The following NRP2 variants were observed in gnomAD, a reference collection of about 807,000 sequenced individuals.
NRP2 encodes the protein neuropilin 2, also known as neuropilin-2.
NRP2 carries 52 observed loss-of-function variants against 110.4 expected under a neutral mutation model. The ratio of observed to expected loss-of-function variants is 0.47; its 90% CI spans 0.38 to 0.59. The LOEUF is 0.59. NRP2 is among the 20% of genes least tolerant of loss of function. NRP2 has a pLI of 0.00. For synonymous variants in NRP2, 508 were observed against 468.9 expected (o/e 1.08, Z -1.08); for missense variants, 1,049 against 1,203.0 (o/e 0.87, Z 1.89).
At chr2:205,752,663 C>A in intron 11 of NRP2, 172 bp from the exon 12 acceptor site, 1 of 690,556 alleles carries the variant, frequency 1.4e-6, no homozygotes, top group Non-Finnish European at 2.5e-6. Flanking sequence ...GAGACCAAAG[C>A]CTGACCCGAA....
intron 15 of NRP2, among the ~76,000 whole-genome samples, chr2:205,772,186 A>T (rs535650129): frequency 1.3e-5 from 2 of 152,382 alleles, no homozygotes; most frequent in Admixed American, 1.3e-4. Flanking sequence ...GGTCATGAGG[A>T]ATAAACAAAA....
At chr2:205,713,065 G>A (rs569996836) in intron 2 of NRP2, among the ~76,000 whole-genome samples, 1 of 152,278 alleles carries the variant, frequency 6.6e-6, no homozygotes, top group African/African-American at 2.4e-5. Context: ...AAGGGATTTG[G>A]GGTGGTCTGT....
At position 205,688,826 on chromosome 2, in the gene NRP2, T is replaced by G. The variant is rs3732089; in HGVS notation, c.73+5463T>G. ...TAGGATTGAGAAGAAAGGAGAGAAA[T>G]AGGAGTTGGCAAAAAACAAAAAAAC... On this transcript the variant is annotated intron_variant, in intron 1 of 16. Transcript: ENST00000357785. Among the ~76,000 whole-genome samples the G allele has an allele frequency of 4.7e-5, 7 of 150,192 alleles. No homozygotes were observed. In the East Asian group the frequency reaches 1.2e-3, roughly 25 times the overall value.
Position 205,694,371 on chromosome 2 carries a change from G to A in NRP2, c.74-3173G>A, listed in dbSNP as rs191643441. On this transcript the variant is annotated intron_variant, in intron 1 of 16. Coordinates refer to ENST00000357785, the MANE Select transcript of NRP2 (RefSeq NM_003872.3). ...TCCTTTCAGCCTTGGGCCTTTCTCAGACCTGACCTGGCTCATCCCTCAGCC... is the reference window on the plus strand; with the variant it reads ...TCCTTTCAGCCTTGGGCCTTTCTCAAACCTGACCTGGCTCATCCCTCAGCC... 3.4e-4 allele frequency among the ~76,000 whole-genome samples: 52 copies of A among 152,270 alleles called. No homozygotes were observed. The Middle Eastern group carries it at 0.014, about 40-fold the overall frequency.
At chr2:205,747,793 G>T (rs545691342) in intron 10 of NRP2, among the ~76,000 whole-genome samples, 1 of 152,070 alleles carries the variant, frequency 6.6e-6, no homozygotes. Context: ...TGGCCAGTGG[G>T]ACAGTTGCTA....
chr2:205,696,310 GGA>G (rs1167260296), intron 1 of NRP2, among the ~76,000 whole-genome samples: 10 of 152,206 alleles, frequency 6.6e-5, no homozygotes, highest in Non-Finnish European at 1.5e-4. Context: ...AGTGAACACA[GGA>G]GAAAGACCCA....
At chr2:205,747,665 A>G (rs2057562643) in intron 10 of NRP2, among the ~76,000 whole-genome samples, 1 of 152,178 alleles carries the variant, frequency 6.6e-6, no homozygotes, top group African/African-American at 2.4e-5. Flanking sequence ...TTCCTCTTTC[A>G]TAGACAAGGA....
intron 15 of NRP2, chr2:205,777,176 T>A (rs1458067648): frequency 2.0e-6 from 2 of 984,450 alleles, no homozygotes; most frequent in African/African-American, 3.5e-5. Context: ...GGGTTTCTGT[T>A]GGCTGTCATT....
At chr2:205,790,972 G>A (rs777713217) in intron 15 of NRP2, among the ~76,000 whole-genome samples, 53 of 152,326 alleles carry the variant, frequency 3.5e-4, no homozygotes, top group Non-Finnish European at 6.2e-4. Flanking sequence ...ACTAGGGACC[G>A]AGGGGGATGA....
chr2:205,702,864 C>T (rs1012084366), intron 2 of NRP2, among the ~76,000 whole-genome samples: 4 of 152,194 alleles, frequency 2.6e-5, no homozygotes, highest in Admixed American at 2.0e-4. Flanking sequence ...TCCACAGTGT[C>T]CAGCTGCAAG....
rs73983251 is a variant in NRP2 at position 205,733,000 on chromosome 2, G to C, written c.1146+4954G>C. ...CTGTAATGGGCACCAGCCTTCAGAA[G>C]TCATGTTGCGTGTGCTCTGAAGGGG... On this transcript the variant is annotated intron_variant, in intron 7 of 16. Transcript: ENST00000357785. Among the ~76,000 whole-genome samples the C allele has an allele frequency of 2.7e-3, 414 of 152,262 alleles. 3 individuals are homozygous for C. Among genetic ancestry groups the C allele is most frequent in the African/African-American group, 9.4e-3 (392 of 41,564 alleles).
chr2:205,709,271 C>A (rs867036888), intron 2 of NRP2, among the ~76,000 whole-genome samples: 3 of 152,214 alleles, frequency 2.0e-5, no homozygotes, highest in Middle Eastern at 3.2e-3. Flanking sequence ...TCTAACTGTG[C>A]TTTTCGTTTC....
chr2:205,760,940 T>A (rs2057810809), intron 12 of NRP2: 1 of 152,158 alleles, frequency 6.6e-6, no homozygotes, highest in African/African-American at 2.4e-5. Context: ...GAATAATAAA[T>A]CTCTAAAATC....
chr2:205,770,062 CAG>C (rs2057995894), intron 15 of NRP2, among the ~76,000 whole-genome samples: 1 of 152,118 alleles, frequency 6.6e-6, no homozygotes, highest in South Asian at 2.1e-4. Flanking sequence ...AGAGCACGGG[CAG>C]AGAGACGATC....
chr2:205,710,486 A>G (rs535846242), intron 2 of NRP2, among the ~76,000 whole-genome samples: 4 of 152,374 alleles, frequency 2.6e-5, no homozygotes, highest in African/African-American at 7.2e-5. Flanking sequence ...CAGATATACC[A>G]GCTTTTTAGT....
chr2:205,709,784 G>A (rs1296511842), intron 2 of NRP2, among the ~76,000 whole-genome samples: 2 of 152,102 alleles, frequency 1.3e-5, no homozygotes, highest in Non-Finnish European at 2.9e-5. Flanking sequence ...AGAAATCCCC[G>A]CATTTAAGAA....
intron 15 of NRP2, among the ~76,000 whole-genome samples, chr2:205,775,368 G>T (rs1405524728): frequency 6.6e-6 from 1 of 152,162 alleles, no homozygotes. Flanking sequence ...AGCGGCCAGT[G>T]AACGTGGTTG....
intron 15 of NRP2, among the ~76,000 whole-genome samples, chr2:205,786,931 C>T (rs2058242457): frequency 6.6e-6 from 1 of 152,082 alleles, no homozygotes; most frequent in Non-Finnish European, 1.5e-5. Context: ...AGTGGCCACT[C>T]CCAGGAGAGG....
chr2:205,689,798 T>G (rs11889208), intron 1 of NRP2, among the ~76,000 whole-genome samples: 3 of 152,184 alleles, frequency 2.0e-5, no homozygotes, highest in Admixed American at 1.3e-4. Flanking sequence ...GGGAACACCG[T>G]GTTTAAGGCG....
Sources: gnomAD v4.1 joint callset for allele counts (sites outside exome capture counted in the v4.1 genomes callset) on GRCh38, gnomAD v4.1.1 for gene constraint, MANE v1.5 for transcripts, NCBI Gene and HGNC (gene_info 2026-07-23, HGNC 2026-07-21) for gene names.